The following LOC400499 variants were observed in gnomAD, a reference collection of about 807,000 sequenced individuals.
the LOC400499 span, among the ~76,000 whole-genome samples, chr16:11,429,915 T>C: frequency 2.6e-5 from 4 of 152,158 alleles, no homozygotes; most frequent in Non-Finnish European, 5.9e-5. Flanking sequence ...AGAGAATACT[T>C]ACATGACTTC....
At chr16:11,462,557 G>A in the LOC400499 span, 4 of 428,112 alleles carry the variant, frequency 9.3e-6, no homozygotes, top group Non-Finnish European at 1.2e-5. Flanking sequence ...AGCCTCCCTG[G>A]GATTACAGTC....
chr16:11,410,430 G>A, the LOC400499 span, among the ~76,000 whole-genome samples: 1 of 152,060 alleles, frequency 6.6e-6, no homozygotes, highest in African/African-American at 2.4e-5. Flanking sequence ...CTCCAGCCTG[G>A]GTGACAAAGA....
the LOC400499 span, among the ~76,000 whole-genome samples, chr16:11,394,528 G>A: frequency 2.6e-5 from 4 of 152,216 alleles, no homozygotes; most frequent in Admixed American, 2.0e-4. Context: ...GTGCACGTAT[G>A]TCTGTTAAGG....
the LOC400499 span, chr16:11,392,190 A>G: frequency 5.0e-6 from 2 of 398,938 alleles, no homozygotes; most frequent in Middle Eastern, 6.2e-4. Flanking sequence ...GGGCCTCACA[A>G]TGGGGTTGTC....
the LOC400499 span, among the ~76,000 whole-genome samples, chr16:11,527,191 C>T: frequency 2.6e-5 from 4 of 152,194 alleles, no homozygotes; most frequent in African/African-American, 9.7e-5. Context: ...CCTGGGCCAG[C>T]CCCGTGCCAC....
the LOC400499 span, among the ~76,000 whole-genome samples, chr16:11,489,209 G>A: frequency 6.6e-6 from 1 of 152,174 alleles, no homozygotes; most frequent in African/African-American, 2.4e-5. Context: ...GCCTCTCCGA[G>A]CCTCAGTTTC....
At chr16:11,438,009 C>G in the LOC400499 span, among the ~76,000 whole-genome samples, 8 of 152,332 alleles carry the variant, frequency 5.3e-5, 1 homozygote, top group South Asian at 1.7e-3. Flanking sequence ...GGTTCCCACC[C>G]AAGATCTTCC....
At chr16:11,445,421 C>CA in the LOC400499 span, among the ~76,000 whole-genome samples, 500 of 136,128 alleles carry the variant, frequency 3.7e-3, 11 homozygotes, top group East Asian at 0.055. Context: ...ACTCTTTCTC[C>CA]AAAAAAAAAA....
chr16:11,484,463 T>C, the LOC400499 span, among the ~76,000 whole-genome samples: 321 of 152,276 alleles, frequency 2.1e-3, 1 homozygote, highest in African/African-American at 7.3e-3. Flanking sequence ...GTGTGTCAAT[T>C]AGACCTCAAT....
At chr16:11,397,037 C>G in the LOC400499 span, among the ~76,000 whole-genome samples, 5 of 152,190 alleles carry the variant, frequency 3.3e-5, no homozygotes, top group African/African-American at 7.2e-5. Flanking sequence ...TCCTGCACAA[C>G]GTTTACTACA....
At chr16:11,435,887 G>A in the LOC400499 span, 9 of 399,150 alleles carry the variant, frequency 2.3e-5, no homozygotes, top group South Asian at 1.0e-3. Context: ...CACCTGCAGG[G>A]AGGCAGGGGA....
chr16:11,476,713 A>T, the LOC400499 span: 2 of 399,366 alleles, frequency 5.0e-6, no homozygotes, highest in Non-Finnish European at 8.8e-6. Flanking sequence ...ACACCTGCTC[A>T]CCTGCACCCT....
the LOC400499 span, among the ~76,000 whole-genome samples, chr16:11,426,564 A>G: frequency 2.0e-5 from 3 of 152,088 alleles, no homozygotes; most frequent in African/African-American, 7.2e-5. Flanking sequence ...CTCTTAGCAT[A>G]TTTATTCAAT....
At chr16:11,384,974 A>G in the LOC400499 span, 26 of 1,232,134 alleles carry the variant, frequency 2.1e-5, no homozygotes, top group African/African-American at 3.1e-4. Flanking sequence ...GGCCAGCTCA[A>G]TCCTGGAGAC....
the LOC400499 span, chr16:11,502,166 G>C: frequency 1.3e-5 from 5 of 399,120 alleles, no homozygotes; most frequent in Non-Finnish European, 2.2e-5. Context: ...CCAGTGTCAG[G>C]AACAAGTCCA....
the LOC400499 span, among the ~76,000 whole-genome samples, chr16:11,433,424 G>C: frequency 1.3e-5 from 2 of 152,182 alleles, no homozygotes; most frequent in East Asian, 1.9e-4. Flanking sequence ...ATATTTAGTG[G>C]AGACCCAATT....
the LOC400499 span, chr16:11,462,052 A>C: frequency 7.4e-6 from 10 of 1,354,176 alleles, no homozygotes; most frequent in South Asian, 1.5e-4. Context: ...ATAAGGAGGC[A>C]CTTGGGCCAC....
the LOC400499 span, among the ~76,000 whole-genome samples, chr16:11,424,962 C>G: frequency 6.6e-6 from 1 of 152,164 alleles, no homozygotes; most frequent in African/African-American, 2.4e-5. Flanking sequence ...GGCTGAATGA[C>G]GTCCCAGGGA....
the LOC400499 span, among the ~76,000 whole-genome samples, chr16:11,500,212 A>G: frequency 7.4e-3 from 1,127 of 152,312 alleles, 20 homozygotes; most frequent in African/African-American, 0.026. Flanking sequence ...TCCTCCTTAT[A>G]GAGACCAGAA....
Sources: gnomAD v4.1 joint callset for allele counts (sites outside exome capture counted in the v4.1 genomes callset) on GRCh38, gnomAD v4.1.1 for gene constraint, MANE v1.5 for transcripts.